CDK6: variants seen among roughly 807,000 people sequenced by gnomAD.
CDK6 encodes cyclin dependent kinase 6.
CDK6 carries 6 observed loss-of-function variants against 37.1 expected under a neutral mutation model. That is an observed-to-expected ratio of 0.16 (90% confidence interval 0.09 to 0.32). CDK6 has a LOEUF of 0.32. Ranked by LOEUF, CDK6 falls within the 10% of genes least tolerant of loss-of-function variation. CDK6 has a pLI of 1.00. For synonymous variants in CDK6, 160 were observed against 161.3 expected (o/e 0.99, Z 0.06); for missense variants, 224 against 418.9 (o/e 0.53, Z 4.06).
intron 4 of CDK6, 39 bp from the exon 5 acceptor site, chr7:92,671,574 G>T: frequency 7.7e-7 from 1 of 1,306,036 alleles, no homozygotes; most frequent in Non-Finnish European, 1.1e-6. Flanking sequence ...CTGAGAAGGT[G>T]GCTGTTGGCT....
At chr7:92,654,047 C>T (rs1451581131) in intron 5 of CDK6, among the ~76,000 whole-genome samples, 2 of 152,048 alleles carry the variant, frequency 1.3e-5, no homozygotes, top group South Asian at 2.1e-4. Flanking sequence ...TCAATGGTTC[C>T]ATTTCCTACA....
rs1468932607 is a variant in CDK6 at position 92,612,979 on chromosome 7, C to T, written c.*2161G>A. On this transcript the variant is annotated 3_prime_UTR_variant, in exon 8 of 8. Transcript: ENST00000424848. ...TTTTCCATGTGAGACTTTGAGTAGACCTGACCTTGAATGCTGTGGATTCAT... is the reference window on the plus strand; with the variant it reads ...TTTTCCATGTGAGACTTTGAGTAGATCTGACCTTGAATGCTGTGGATTCAT... The T allele has an allele frequency of 2.1e-5, 5 of 232,940 alleles. No homozygotes were observed. The highest frequency in any genetic ancestry group is 3.4e-5 in the Non-Finnish European group (4 of 117,966). 14.4% of individuals were successfully genotyped at this position (232,940 alleles called of 1,614,324 possible). A position where few individuals can be genotyped will look rare whatever the true frequency, so the allele number is the denominator to read the frequency against.
intron 4 of CDK6, among the ~76,000 whole-genome samples, chr7:92,711,855 AC>A (rs1562943455): frequency 6.6e-6 from 1 of 151,630 alleles, no homozygotes; most frequent in Non-Finnish European, 1.5e-5. Flanking sequence ...TGCGTTAACC[AC>A]CACACTGGTG....
intron 3 of CDK6, among the ~76,000 whole-genome samples, chr7:92,747,749 T>C (rs1799094230): frequency 6.6e-6 from 1 of 152,246 alleles, no homozygotes; most frequent in Admixed American, 6.5e-5. Flanking sequence ...GCTATTTCTC[T>C]ATGTATCTCA....
chr7:92,630,873 A>G (rs758212132), intron 5 of CDK6, among the ~76,000 whole-genome samples: 2 of 152,152 alleles, frequency 1.3e-5, no homozygotes, highest in Non-Finnish European at 1.5e-5. Flanking sequence ...GACAGAATAG[A>G]TGATTAGAGA....
chr7:92,755,182 CGACACTCCTTGCTAACAGGAAA>C (rs904366849), intron 3 of CDK6, among the ~76,000 whole-genome samples: 8 of 152,038 alleles, frequency 5.3e-5, no homozygotes, highest in African/African-American at 1.9e-4. Flanking sequence ...TGTTGATAGC[CGACACTCCTTGCTAACAGGAAA>C]GACACATTGC....
intron 2 of CDK6, among the ~76,000 whole-genome samples, chr7:92,810,263 T>C (rs1158604074): frequency 6.6e-6 from 1 of 152,248 alleles, no homozygotes; most frequent in Non-Finnish European, 1.5e-5. Context: ...GCAGTTTATG[T>C]GCATTTAATT....
At chr7:92,753,673 T>C (rs1189332708) in intron 3 of CDK6, among the ~76,000 whole-genome samples, 1 of 152,124 alleles carries the variant, frequency 6.6e-6, no homozygotes, top group Non-Finnish European at 1.5e-5. Context: ...GAAGACTACC[T>C]TTTGAAATTG....
intron 5 of CDK6, among the ~76,000 whole-genome samples, chr7:92,625,532 C>A (rs564480642): frequency 1.0e-3 from 149 of 142,648 alleles, no homozygotes; most frequent in Middle Eastern, 3.7e-3. Context: ...TGCAGTTTTG[C>A]AAAAAAAAAC....
chr7:92,826,464 T>TGGA (rs1329110862), intron 2 of CDK6, among the ~76,000 whole-genome samples: 1 of 151,924 alleles, frequency 6.6e-6, no homozygotes, highest in Non-Finnish European at 1.5e-5. Flanking sequence ...TTTCAACAGG[T>TGGA]GGAGAGTGGT....
intron 5 of CDK6, among the ~76,000 whole-genome samples, chr7:92,634,799 T>C (rs1796131559): frequency 6.6e-6 from 1 of 152,322 alleles, no homozygotes; most frequent in Non-Finnish European, 1.5e-5. Context: ...GGGAATGAGA[T>C]GGAGCTGCTG....
rs1795582848 is a variant in CDK6, at chr7:92,612,467, C to T, written c.*2673G>A. The T allele has an allele frequency of 1.7e-5, 4 of 232,832 alleles. No homozygotes were observed. The highest frequency in any genetic ancestry group is 3.4e-5 in the Non-Finnish European group (4 of 117,888). The allele number at this position is 232,832 out of a possible 1,614,324, so 14.4% of individuals were successfully genotyped here. A position where few individuals can be genotyped will look rare whatever the true frequency, so the allele number is the denominator to read the frequency against. On this transcript the variant is annotated 3_prime_UTR_variant, in exon 8 of 8. Coordinates refer to ENST00000424848, the MANE Select transcript of CDK6 (RefSeq NM_001145306.2). Reference sequence around the variant, plus strand: ...TGTTGGATCTGGATTTCAGAAATGGCGAATCTGGACATAAAATACATAAAT... The same window carrying T: ...TGTTGGATCTGGATTTCAGAAATGGTGAATCTGGACATAAAATACATAAAT...
intron 5 of CDK6, among the ~76,000 whole-genome samples, chr7:92,650,614 G>C (rs1049679043): frequency 6.6e-6 from 1 of 152,162 alleles, no homozygotes; most frequent in Non-Finnish European, 1.5e-5. Context: ...TGACATCAAG[G>C]TGTCGGCAGA....
chr7:92,615,552 T>C lies in CDK6; in HGVS notation c.835-266A>G, dbSNP rs150776344. Among the ~76,000 whole-genome samples the C allele has an allele frequency of 1.4e-4, 22 of 152,322 alleles. No homozygotes were observed. The East Asian group carries it at 4.2e-3, about 29-fold the overall frequency. ...TCACTAAGCCATTAAAGTATGCATA[T>C]AACTTTATTTAGTAATTCTTCCAGT... On this transcript the variant is annotated intron_variant, in intron 7 of 7. Coordinates refer to ENST00000424848, the MANE Select transcript of CDK6 (RefSeq NM_001145306.2).
chr7:92,688,007 CAG>C (rs1797502819), intron 4 of CDK6, among the ~76,000 whole-genome samples: 1 of 152,084 alleles, frequency 6.6e-6, no homozygotes, highest in Non-Finnish European at 1.5e-5. Flanking sequence ...ATCATTATGC[CAG>C]AGTTTGTTTA....
intron 3 of CDK6, among the ~76,000 whole-genome samples, chr7:92,750,473 C>T (rs990448121): frequency 2.6e-5 from 4 of 152,196 alleles, no homozygotes; most frequent in African/African-American, 7.2e-5. Context: ...CCACTTTGAT[C>T]AACCTTGCCA....
intron 2 of CDK6, among the ~76,000 whole-genome samples, chr7:92,791,450 G>A (rs1800280222): frequency 6.6e-6 from 1 of 152,014 alleles, no homozygotes; most frequent in Non-Finnish European, 1.5e-5. Flanking sequence ...ATTTACCACA[G>A]GGCCCTATTT....
chr7:92,769,480 T>C (rs1425945118), intron 3 of CDK6, among the ~76,000 whole-genome samples: 1 of 152,224 alleles, frequency 6.6e-6, no homozygotes, highest in Non-Finnish European at 1.5e-5. Context: ...TGAAACTATA[T>C]TGACAATTGC....
chr7:92,728,503 T>C (rs527650311), intron 3 of CDK6, among the ~76,000 whole-genome samples: 1 of 152,238 alleles, frequency 6.6e-6, no homozygotes, highest in African/African-American at 2.4e-5. Context: ...GGCTGCATGG[T>C]TTTTCACCCT....
Sources: gnomAD v4.1 joint callset for allele counts (sites outside exome capture counted in the v4.1 genomes callset) on GRCh38, gnomAD v4.1.1 for gene constraint, MANE v1.5 for transcripts, NCBI Gene and HGNC (gene_info 2026-07-23, HGNC 2026-07-21) for gene names.